Variants in TIGAR observed in about 807,000 individuals in gnomAD.
TIGAR encodes the protein fructose-2,6-bisphosphatase TIGAR.
A neutral mutation model predicts 17.9 loss-of-function variants in TIGAR; 7 were observed. The observed-to-expected ratio is 0.39, with a 90% CI of 0.22 to 0.73. The LOEUF is 0.73. TIGAR is among the 30% of genes least tolerant of loss of function. The pLI, the probability that TIGAR is intolerant of heterozygous loss-of-function variation, is 0.42. For missense variants in TIGAR, 258 were observed against 327.4 expected, an observed-to-expected ratio of 0.79 and a Z score of 1.64; for synonymous variants, 94 against 108.6, an observed-to-expected ratio of 0.87 and a Z score of 0.84.
rs1308470182 is a variant in TIGAR at position 4,352,438 on chromosome 12, C to T, written c.560C>T (p.Pro187Leu). Residue 187 changes from proline to leucine, a missense_variant, in exon 6 of 6, where the codon CCA becomes CTA. Pro to Leu is a moderately conservative substitution (Grantham distance 98). Coordinates refer to ENST00000179259, the MANE Select transcript of TIGAR (RefSeq NM_020375.3). ...AAAGTTAATTCAGACAGCGGTATTC[C>T]AGGATTAGCAGCCAGTGTCTTAGTT... ...SSKVNSDSGI[P>L]GLAASVLVVS... The T allele has an allele frequency of 1.2e-6, 2 of 1,613,952 alleles. No homozygotes were observed. Among genetic ancestry groups the T allele is most frequent in the Non-Finnish European group, 8.5e-7 (1 of 1,180,036 alleles).
Position 4,345,881 on chromosome 12 carries a change from A to G in TIGAR, c.193-3938A>G, listed in dbSNP as rs149863002. Among the ~76,000 whole-genome samples, 316 of 152,378 alleles carry G rather than the reference A, an allele frequency of 2.1e-3. 2 individuals carry two copies. The highest frequency in any genetic ancestry group is 0.02 in the East Asian group (104 of 5,184). ...CTCATCTGACAAAGGGCTTATATCC[A>G]GAATCTACAAAGAACTCAAACAAAT... On this transcript the variant is annotated intron_variant, in intron 3 of 5. Transcript: ENST00000179259.
chr12:4,350,666 A>C (rs1460932119), intron 4 of TIGAR, among the ~76,000 whole-genome samples: 1 of 151,670 alleles, frequency 6.6e-6, no homozygotes, highest in Non-Finnish European at 1.5e-5. Context: ...AGTCCCAGCT[A>C]CTCGGGAGGC....
rs1206006553 is a variant in TIGAR at position 4,357,913 on chromosome 12, CT to C, written c.*5223del. The stretch of plus-strand genomic sequence containing the variant: ...GGTCAGGAGATAGAGACCATCCTGG[CT>C]AACACAGTGAAACCTCGTCTCCACT... On this transcript the variant is annotated 3_prime_UTR_variant, in exon 6 of 6. Coordinates refer to ENST00000179259, the MANE Select transcript of TIGAR (RefSeq NM_020375.3). Among the ~76,000 whole-genome samples the C allele has an allele frequency of 6.6e-6, 1 of 150,950 alleles. No individual in the cohort carries two copies. The highest frequency in any genetic ancestry group is 2.0e-4 in the East Asian group (1 of 5,110).
In TIGAR at chr12:4,351,878, A is replaced by G. The variant is rs145644748; in HGVS notation, c.382-382A>G. On this transcript the variant is annotated intron_variant, in intron 5 of 5. Transcript: ENST00000179259. ...GAAAATACTTTCCATTACTTTAGTA[A>G]GGGAAGGATTTGTTGCTGCTGTTGT... Among the ~76,000 whole-genome samples, 917 of 152,324 alleles carry G rather than the reference A, an allele frequency of 6.0e-3. 12 individuals are homozygous for G. Among genetic ancestry groups the G allele is most frequent in the African/African-American group, 0.021 (884 of 41,566 alleles).
At position 4,358,714 on chromosome 12, in the gene TIGAR, T is replaced by C. The variant is rs566679426; in HGVS notation, c.*6023T>C. 2.0e-5 allele frequency among the ~76,000 whole-genome samples: 3 copies of C among 151,568 alleles called. No individual in the cohort carries two copies. The South Asian group carries it at 6.2e-4, about 32-fold the overall frequency. On this transcript the variant is annotated 3_prime_UTR_variant, in exon 6 of 6. Coordinates refer to ENST00000179259, the MANE Select transcript of TIGAR (RefSeq NM_020375.3). ...TAAATTCTGTCAATTATTTTGTTGA[T>C]GTACCTGTGGCTTTTTTTTTTTTTC...
Position 4,321,327 on chromosome 12 carries a change from T to C in TIGAR, c.32+24T>C, listed in dbSNP as rs1289826178. On this transcript the variant is annotated intron_variant, in intron 1 of 5. Coordinates refer to ENST00000179259, the MANE Select transcript of TIGAR (RefSeq NM_020375.3). The surrounding 1 kb of genome is among the most constrained non-coding windows in gnomAD (Gnocchi z 5.2). ...CAGTGAGTATGGCTGTGGCAGGATG[T>C]CTTTCTCTCTCTCTTCCTTGAGTGT... 6.2e-7 allele frequency: 1 copy of C among 1,600,268 alleles called. No homozygotes were observed. The highest frequency in any genetic ancestry group is 8.5e-7 in the Non-Finnish European group (1 of 1,179,640).
In TIGAR at chr12:4,356,124, G is replaced by C. The variant is rs986359674; in HGVS notation, c.*3433G>C. On this transcript the variant is annotated 3_prime_UTR_variant, in exon 6 of 6. Transcript: ENST00000179259. ...CTTGCAATGTGGAGAGCAGGCTGTA[G>C]GGGGTGCTATAGGAGCACAAGGTTG... Among the ~76,000 whole-genome samples, 2 of 152,204 alleles carry C rather than the reference G, an allele frequency of 1.3e-5. No homozygotes were observed. Among genetic ancestry groups the C allele is most frequent in the Non-Finnish European group, 2.9e-5 (2 of 68,028 alleles).
At chr12:4,341,520 G>A (rs1488405117) in intron 3 of TIGAR, among the ~76,000 whole-genome samples, 2 of 152,174 alleles carry the variant, frequency 1.3e-5, no homozygotes, top group Admixed American at 1.3e-4. Context: ...TCACACGGCC[G>A]GGTACCCCTC....
chr12:4,339,475 A>C (rs1448101164), intron 3 of TIGAR, among the ~76,000 whole-genome samples: 2 of 152,194 alleles, frequency 1.3e-5, no homozygotes, highest in Admixed American at 1.3e-4. Context: ...AAACATCTAA[A>C]GTACTAATAC....
intron 2 of TIGAR, chr12:4,335,650 C>G (rs1409483530): frequency 6.6e-6 from 1 of 152,278 alleles, no homozygotes; most frequent in African/African-American, 2.4e-5. Context: ...GCCTCCAGAA[C>G]TGTGAGAAAT....
intron 1 of TIGAR, among the ~76,000 whole-genome samples, chr12:4,322,433 G>T (rs932862042): frequency 6.6e-6 from 1 of 152,206 alleles, no homozygotes; most frequent in Non-Finnish European, 1.5e-5. Context: ...AGAATTAAAT[G>T]GGGGACAGGT....
Position 4,359,385 on chromosome 12 carries a change from A to G in TIGAR, c.*6694A>G, listed in dbSNP as rs1429833963. Among the ~76,000 whole-genome samples the G allele has an allele frequency of 2.6e-5, 4 of 152,214 alleles. No homozygotes were observed. The South Asian group carries it at 6.2e-4, about 24-fold the overall frequency. ...AAGTACTTTCTTTCTGGTATTAACAATATGCTCCAGACTCATTCTTCCCGA... is the reference window on the plus strand; with the variant it reads ...AAGTACTTTCTTTCTGGTATTAACAGTATGCTCCAGACTCATTCTTCCCGA... On this transcript the variant is annotated 3_prime_UTR_variant, in exon 6 of 6. Coordinates refer to ENST00000179259, the MANE Select transcript of TIGAR (RefSeq NM_020375.3).
Position 4,357,939 on chromosome 12 carries a change from TGAAAAATA to T in TIGAR, c.*5255_*5262del, listed in dbSNP as rs1864925524. Among the ~76,000 whole-genome samples the T allele has an allele frequency of 6.7e-6, 1 of 150,252 alleles. No individual in the cohort carries two copies. The highest frequency in any genetic ancestry group is 1.5e-5 in the Non-Finnish European group (1 of 67,650). Reference sequence around the variant, plus strand: ...TAACACAGTGAAACCTCGTCTCCACTGAAAAATAGAAAAAATTAGCCAGGCCTGGTGGC... The same window carrying T: ...TAACACAGTGAAACCTCGTCTCCACTGAAAAAATTAGCCAGGCCTGGTGGC... On this transcript the variant is annotated 3_prime_UTR_variant, in exon 6 of 6. Coordinates refer to ENST00000179259, the MANE Select transcript of TIGAR (RefSeq NM_020375.3).
chr12:4,337,188 G>C, intron 3 of TIGAR, 28 bp downstream of exon 3: 1 of 1,544,864 alleles, frequency 6.5e-7, no homozygotes, highest in East Asian at 2.3e-5. Flanking sequence ...TTTATTTTGA[G>C]ACAGAGCGTC....
intron 1 of TIGAR, among the ~76,000 whole-genome samples, chr12:4,330,856 C>G (rs757573796): frequency 1.3e-5 from 2 of 152,218 alleles, no homozygotes; most frequent in Admixed American, 6.5e-5. Flanking sequence ...CTCTCCCATT[C>G]CATTCAGATT....
chr12:4,351,148 T>C, intron 4 of TIGAR, 119 bp from the exon 5 acceptor site: 2 of 827,982 alleles, frequency 2.4e-6, no homozygotes, highest in African/African-American at 1.7e-5. Flanking sequence ...ATAGAATCAA[T>C]TAAGTGGAGG....
intron 2 of TIGAR, among the ~76,000 whole-genome samples, chr12:4,336,619 G>A (rs1169559025): frequency 2.6e-5 from 4 of 152,112 alleles, no homozygotes; most frequent in African/African-American, 9.7e-5. Context: ...AATGGAGGGA[G>A]GAAGGAAAGA....
intron 1 of TIGAR, among the ~76,000 whole-genome samples, chr12:4,327,409 A>G (rs1864556580): frequency 6.7e-6 from 1 of 150,262 alleles, no homozygotes; most frequent in Non-Finnish European, 1.5e-5. Context: ...ACCCCATCTC[A>G]GAAAAAAAAA....
intron 3 of TIGAR, among the ~76,000 whole-genome samples, chr12:4,346,328 CACAATA>C (rs960964655): frequency 2.0e-4 from 31 of 152,276 alleles, no homozygotes; most frequent in African/African-American, 6.7e-4. Context: ...CGGCACTATT[CACAATA>C]GCAAAGACTT....
Sources: gnomAD v4.1 joint callset for allele counts (sites outside exome capture counted in the v4.1 genomes callset) on GRCh38, gnomAD v4.1.1 for gene constraint, Gnocchi (gnomAD v3.1) non-coding constraint, MANE v1.5 for transcripts, NCBI Gene and HGNC (gene_info 2026-07-23, HGNC 2026-07-21) for gene names.